PLAAT1: variants seen among roughly 807,000 people sequenced by gnomAD.
PLAAT1 encodes H-REV107 protein-related protein.
Under a neutral mutation model 16.4 loss-of-function variants are expected in PLAAT1, and 13 were observed. The observed-to-expected ratio is 0.79, with a 90% CI of 0.52 to 1.26. The LOEUF (loss-of-function observed/expected upper bound fraction) is 1.26, where lower values mean the gene tolerates loss of function less well. Ranked by LOEUF, PLAAT1 falls within the 50% of genes most tolerant of loss-of-function variation. PLAAT1 has a pLI of 0.00. For synonymous variants in PLAAT1, 73 were observed against 78.4 expected, an observed-to-expected ratio of 0.93 and a Z score of 0.36; for missense variants, 218 against 207.8, an observed-to-expected ratio of 1.05 and a Z score of -0.30.
chr3:193,249,890 C>T (rs1366113981), intron 1 of PLAAT1, among the ~76,000 whole-genome samples: 2 of 151,830 alleles, frequency 1.3e-5, no homozygotes, highest in African/African-American at 4.8e-5. Context: ...CCAGTTTTTT[C>T]ATGCATTGCT....
intron 1 of PLAAT1, among the ~76,000 whole-genome samples, chr3:193,246,460 G>A (rs938937194): frequency 4.6e-5 from 7 of 151,998 alleles, no homozygotes; most frequent in African/African-American, 1.5e-4. Flanking sequence ...CACCCGCATC[G>A]AGCTCAAGCT....
At chr3:193,240,895 C>G (rs944659227), upstream of PLAAT1, among the ~76,000 whole-genome samples, 5 of 151,992 alleles carry the variant, frequency 3.3e-5, no homozygotes, top group African/African-American at 4.8e-5. Flanking sequence ...ATGGGTGTAC[C>G]CGAACATTCC....
At chr3:193,269,936 A>G (rs1219242042) in intron 3 of PLAAT1, among the ~76,000 whole-genome samples, 1 of 152,186 alleles carries the variant, frequency 6.6e-6, no homozygotes, top group African/African-American at 2.4e-5. Flanking sequence ...AATTTTTGAC[A>G]TGATAGTTAA....
chr3:193,273,280 CTCT>C (rs1457782009), downstream of PLAAT1, among the ~76,000 whole-genome samples: 2 of 152,196 alleles, frequency 1.3e-5, no homozygotes, highest in East Asian at 3.9e-4. Flanking sequence ...AACTAAAAAT[CTCT>C]TCTTTTTAAA....
chr3:193,241,384 T>C lies in PLAAT1; in HGVS notation c.-150T>C. On this transcript the variant is annotated 5_prime_UTR_variant, in exon 1 of 4. Coordinates refer to ENST00000264735, the MANE Select transcript of PLAAT1 (RefSeq NM_020386.5). ...CTGGAGGACGGCCCCGAGTGATGGC[T>C]GGCGCCTGCCTCCCGGGTGTCTCCC... 1 of 1,231,750 alleles carries C rather than the reference T, an allele frequency of 8.1e-7. No homozygotes were observed. The highest frequency in any genetic ancestry group is 1.0e-6 in the Non-Finnish European group (1 of 987,996). The allele number at this position is 1,231,750 out of a possible 1,614,324, so 76.3% of individuals were successfully genotyped here.
At chr3:193,255,479 A>G (rs191404378) in intron 1 of PLAAT1, among the ~76,000 whole-genome samples, 172 bp from the exon 2 acceptor site, 1 of 152,338 alleles carries the variant, frequency 6.6e-6, no homozygotes, top group Admixed American at 6.5e-5. Flanking sequence ...CCCCTTGTGC[A>G]CACATCAGTG....
At chr3:193,266,174 A>T (rs1716769685) in intron 3 of PLAAT1, among the ~76,000 whole-genome samples, 1 of 152,134 alleles carries the variant, frequency 6.6e-6, no homozygotes, top group Non-Finnish European at 1.5e-5. Flanking sequence ...GGATAAGTTT[A>T]TGGCATTGAT....
rs200003173 is a variant in PLAAT1, at chr3:193,269,238, TAAG to T, written c.406-1363_406-1361del. On this transcript the variant is annotated intron_variant, in intron 3 of 3. Transcript: ENST00000264735. ...AGGATTAAAATATAAATAAAATAGA[TAAG>T]AAATCAAATAAAATCAAAATTATAA... 6.9e-3 allele frequency among the ~76,000 whole-genome samples: 1,045 copies of T among 152,278 alleles called. 8 individuals are homozygous for T. Among genetic ancestry groups the T allele is most frequent in the African/African-American group, 0.024 (987 of 41,566 alleles).
At chr3:193,250,669 G>T (rs1454174178) in intron 1 of PLAAT1, among the ~76,000 whole-genome samples, 1 of 152,076 alleles carries the variant, frequency 6.6e-6, no homozygotes, top group African/African-American at 2.4e-5. Flanking sequence ...AGAGGAAAAG[G>T]TGTAGAGGGA....
At chr3:193,276,830 A>C in intron 2 of PLAAT1, 2 of 1,611,786 alleles carry the variant, frequency 1.2e-6, no homozygotes, top group South Asian at 2.2e-5. Flanking sequence ...GTTGGGATCA[A>C]CTGTTGAAAA....
At chr3:193,274,823 A>G (rs912622623), downstream of PLAAT1, 10 of 613,958 alleles carry the variant, frequency 1.6e-5, no homozygotes, top group East Asian at 2.5e-4. Context: ...ATTGAAAAGG[A>G]TGATACAGGA....
chr3:193,270,318 A>G (rs1352096007), intron 3 of PLAAT1, among the ~76,000 whole-genome samples: 3 of 152,190 alleles, frequency 2.0e-5, no homozygotes, highest in African/African-American at 7.2e-5. Flanking sequence ...TACTATTATG[A>G]TGAATGGGAA....
At chr3:193,265,040 T>G (rs969084896) in intron 3 of PLAAT1, among the ~76,000 whole-genome samples, 1 of 152,206 alleles carries the variant, frequency 6.6e-6, no homozygotes, top group Non-Finnish European at 1.5e-5. Context: ...ATTGGAACTC[T>G]CTTGCCCTTC....
chr3:193,265,961 T>C (rs948895124), intron 3 of PLAAT1, among the ~76,000 whole-genome samples: 1 of 152,188 alleles, frequency 6.6e-6, no homozygotes, highest in Non-Finnish European at 1.5e-5. Context: ...CTTATTTTAT[T>C]TTTGGAAATG....
At chr3:193,252,674 T>C (rs767650103) in intron 1 of PLAAT1, among the ~76,000 whole-genome samples, 1 of 152,200 alleles carries the variant, frequency 6.6e-6, no homozygotes, top group Non-Finnish European at 1.5e-5. Flanking sequence ...CTCTATATTT[T>C]ATAGTTTTAC....
chr3:193,275,489 A>C (rs1318027300), downstream of PLAAT1, among the ~76,000 whole-genome samples: 1 of 152,182 alleles, frequency 6.6e-6, no homozygotes, highest in Non-Finnish European at 1.5e-5. Context: ...GCTTGTTTTC[A>C]CGGAAATCTG....
rs887132851 is a variant in PLAAT1 at position 193,241,313 on chromosome 3, C to T, written c.-221C>T. On this transcript the variant is annotated 5_prime_UTR_variant, in exon 1 of 4. Transcript: ENST00000264735. ...CGGGCGTCTCAGAGCCGCGGAGGGGCCGCCGGGACCGTTTCAGCGTGGCGG... is the reference window on the plus strand; with the variant it reads ...CGGGCGTCTCAGAGCCGCGGAGGGGTCGCCGGGACCGTTTCAGCGTGGCGG... The T allele has an allele frequency of 4.9e-6, 6 of 1,231,016 alleles. No homozygotes were observed. The highest frequency in any genetic ancestry group is 6.1e-6 in the Non-Finnish European group (6 of 987,578). 76.3% of individuals were successfully genotyped at this position (1,231,016 alleles called of 1,614,324 possible).
chr3:193,276,724 T>C, intron 2 of PLAAT1: 1 of 1,509,788 alleles, frequency 6.6e-7, no homozygotes. Flanking sequence ...TTTATCTTCC[T>C]AGAAAAAATA....
Position 193,270,825 on chromosome 3 carries a change from CT to C in PLAAT1, c.*123del. 7.2e-7 allele frequency: 1 copy of C among 1,388,558 alleles called. No homozygotes were observed. The highest frequency in any genetic ancestry group is 1.8e-5 in the South Asian group (1 of 54,224). 86.0% of individuals were successfully genotyped at this position (1,388,558 alleles called of 1,614,324 possible). On this transcript the variant is annotated 3_prime_UTR_variant, in exon 4 of 4. Coordinates refer to ENST00000264735, the MANE Select transcript of PLAAT1 (RefSeq NM_020386.5). ...AGATTCCTATGATGGATGGCAGACTCTTTAATAAATTGCTTACTGATATTAT... is the reference window on the plus strand; with the variant it reads ...AGATTCCTATGATGGATGGCAGACTCTTAATAAATTGCTTACTGATATTAT...
Sources: allele counts gnomAD v4.1 joint callset (sites outside exome capture counted in the v4.1 genomes callset), GRCh38; gene constraint gnomAD v4.1.1; transcripts MANE v1.5; gene names NCBI Gene and HGNC (gene_info 2026-07-23, HGNC 2026-07-21).